PARD3: variants seen among roughly 807,000 people sequenced by gnomAD.
The protein encoded by PARD3 is par-3 family cell polarity regulator, also known as partitioning defective 3 homolog.
In PARD3, 75 loss-of-function variants were observed where a neutral mutation model predicts 155.4. That is an observed-to-expected ratio of 0.48 (90% CI 0.40 to 0.58). PARD3 has a LOEUF of 0.58. Among genes scored for constraint, PARD3 ranks in the 20% least tolerant of loss-of-function variants. The pLI, the probability that PARD3 is intolerant of heterozygous loss-of-function variation, is 0.00. For missense variants in PARD3, 1,642 were observed against 1,721.7 expected (o/e 0.95, Z 0.82); for synonymous variants, 576 against 610.5 (o/e 0.94, Z 0.83).
At chr10:34,115,317 CAGGA>C (rs1476834030) in intron 24 of PARD3, among the ~76,000 whole-genome samples, 1 of 151,960 alleles carries the variant, frequency 6.6e-6, no homozygotes, top group African/African-American at 2.4e-5. Context: ...AATGGAGAGG[CAGGA>C]AAAGAAAATG....
rs567525583 is a variant in PARD3, at chr10:34,687,802, C to T, written c.222+8516G>A. On this transcript the variant is annotated intron_variant, in intron 2 of 24. Coordinates refer to ENST00000374788, the MANE Select transcript of PARD3 (RefSeq NM_001184785.2). ...TCATCCACACAAAAGTGTACTTCCCCGCCACCTACTGACTCCACATGCCCG... is the reference window on the plus strand; with the variant it reads ...TCATCCACACAAAAGTGTACTTCCCTGCCACCTACTGACTCCACATGCCCG... 2.1e-4 allele frequency among the ~76,000 whole-genome samples: 31 copies of T among 150,726 alleles called. 1 individual carries two copies. The highest frequency in any genetic ancestry group is 6.3e-4 in the African/African-American group (26 of 41,262).
At chr10:34,766,485 A>G (rs1838108686) in intron 1 of PARD3, among the ~76,000 whole-genome samples, 1 of 152,196 alleles carries the variant, frequency 6.6e-6, no homozygotes, top group Non-Finnish European at 1.5e-5. Context: ...ATTTGCTACT[A>G]GCCCCAAAGC....
At chr10:34,477,136 G>A (rs1339841707) in intron 3 of PARD3, among the ~76,000 whole-genome samples, 2 of 152,174 alleles carry the variant, frequency 1.3e-5, no homozygotes, top group Non-Finnish European at 2.9e-5. Flanking sequence ...ATAATCTGAT[G>A]TAATTTGTGT....
chr10:34,716,580 CTTTTCT>C (rs1564539868), intron 1 of PARD3, among the ~76,000 whole-genome samples: 8 of 109,482 alleles, frequency 7.3e-5, no homozygotes, highest in Admixed American at 2.1e-4. Flanking sequence ...CCCAGGATGG[CTTTTCT>C]TTTTTTTTTT....
At position 34,782,514 on chromosome 10, in the gene PARD3, T is replaced by C. The variant is rs538402283; in HGVS notation, c.120+32362A>G. On this transcript the variant is annotated intron_variant, in intron 1 of 24. Transcript: ENST00000374788. ...CATTCTTTTTAAATAACTTTAATCC[T>C]CACAACGACATCAAAACATTTTAAG... Among the ~76,000 whole-genome samples the C allele has an allele frequency of 2.6e-5, 4 of 152,330 alleles. No homozygotes were observed. In the South Asian group the frequency reaches 8.3e-4, roughly 32 times the overall value.
At chr10:34,419,162 A>T (rs1042614209) in intron 5 of PARD3, among the ~76,000 whole-genome samples, 1 of 152,204 alleles carries the variant, frequency 6.6e-6, no homozygotes, top group African/African-American at 2.4e-5. Context: ...AAAATTTGTC[A>T]TCAAGTAAAT....
chr10:34,166,779 T>G (rs1417541118), intron 22 of PARD3, among the ~76,000 whole-genome samples: 1 of 152,128 alleles, frequency 6.6e-6, no homozygotes, highest in Non-Finnish European at 1.5e-5. Flanking sequence ...ATAATTCTCC[T>G]TAAATACTTC....
intron 3 of PARD3, chr10:34,488,898 CTCCCT>C (rs778876340): frequency 6.5e-6 from 1 of 152,774 alleles, no homozygotes; most frequent in Non-Finnish European, 1.5e-5. Flanking sequence ...GTGGCCACCT[CTCCCT>C]TCAGCACACA....
At position 34,367,678 on chromosome 10, in the gene PARD3, G is replaced by T. The variant is rs187120561; in HGVS notation, c.1707+4820C>A. 2.9e-4 allele frequency among the ~76,000 whole-genome samples: 44 copies of T among 152,234 alleles called. No individual in the cohort carries two copies. The East Asian group carries it at 8.5e-3, about 29-fold the overall frequency. On this transcript the variant is annotated intron_variant, in intron 12 of 24. Coordinates refer to ENST00000374788, the MANE Select transcript of PARD3 (RefSeq NM_001184785.2). ...AGATCGAGCCACTGCACTCCAGCCTGGGCAACAGAGTGAGACTTGGTCACA... is the reference window on the plus strand; with the variant it reads ...AGATCGAGCCACTGCACTCCAGCCTTGGCAACAGAGTGAGACTTGGTCACA...
At chr10:34,207,895 G>C (rs1205788032) in intron 22 of PARD3, among the ~76,000 whole-genome samples, 1 of 152,212 alleles carries the variant, frequency 6.6e-6, no homozygotes, top group South Asian at 2.1e-4. Context: ...CCGGTCCTTT[G>C]TCAGAAAATA....
intron 24 of PARD3, among the ~76,000 whole-genome samples, chr10:34,113,799 C>T (rs767284327): frequency 7.9e-5 from 12 of 152,152 alleles, no homozygotes; most frequent in Non-Finnish European, 1.0e-4. Flanking sequence ...CTCAAGTTAC[C>T]TTACCTATGA....
chr10:34,489,767 T>G (rs1049336245), intron 3 of PARD3, among the ~76,000 whole-genome samples: 46 of 152,220 alleles, frequency 3.0e-4, no homozygotes, highest in African/African-American at 1.1e-3. Flanking sequence ...ATCACTAACA[T>G]TTGTTGAGCA....
chr10:34,185,811 C>CTATATTAAAT (rs1950462239), intron 22 of PARD3, among the ~76,000 whole-genome samples: 1 of 143,706 alleles, frequency 7.0e-6, no homozygotes, highest in Middle Eastern at 3.3e-3. Flanking sequence ...GTAACATCTT[C>CTATATTAAAT]TATATTATAT....
At chr10:34,346,554 A>G (rs921268426) in intron 15 of PARD3, 1 of 1,225,568 alleles carries the variant, frequency 8.2e-7, no homozygotes, top group African/African-American at 1.6e-5. Flanking sequence ...CATCAACAAA[A>G]AAATAATTTA....
At chr10:34,426,527 T>C (rs138890677) in intron 5 of PARD3, among the ~76,000 whole-genome samples, 2 of 152,310 alleles carry the variant, frequency 1.3e-5, no homozygotes, top group Non-Finnish European at 2.9e-5. Flanking sequence ...AATTAAAAAG[T>C]AAGATAGGCA....
rs991847252 is a variant in PARD3, at chr10:34,553,372, G to A, written c.223-36213C>T. 2.0e-5 allele frequency among the ~76,000 whole-genome samples: 3 copies of A among 152,318 alleles called. No homozygotes were observed. The South Asian group carries it at 6.2e-4, about 32-fold the overall frequency. Reference sequence around the variant, plus strand: ...CCTGGGTACTGTGATTGCCAGCAATGTTTTAGATTCAGAGAAGTTAAGGCC... The same window carrying A: ...CCTGGGTACTGTGATTGCCAGCAATATTTTAGATTCAGAGAAGTTAAGGCC... On this transcript the variant is annotated intron_variant, in intron 2 of 24. Coordinates refer to ENST00000374788, the MANE Select transcript of PARD3 (RefSeq NM_001184785.2).
At chr10:34,487,798 C>T (rs1263736913) in intron 3 of PARD3, among the ~76,000 whole-genome samples, 3 of 152,014 alleles carry the variant, frequency 2.0e-5, no homozygotes, top group African/African-American at 7.2e-5. Flanking sequence ...TTTCATTTTA[C>T]CAATTTAGTT....
At chr10:34,536,353 A>T (rs557266033) in intron 2 of PARD3, among the ~76,000 whole-genome samples, 54 of 152,364 alleles carry the variant, frequency 3.5e-4, no homozygotes, top group African/African-American at 1.3e-3. Context: ...GAGAAAAACT[A>T]AGTCTCCATT....
At chr10:34,124,662 G>A (rs190156748) in intron 23 of PARD3, among the ~76,000 whole-genome samples, 9 of 152,310 alleles carry the variant, frequency 5.9e-5, no homozygotes, top group Non-Finnish European at 1.0e-4. Context: ...TCCTAAGGAT[G>A]TGAGTAATGG....
Sources: allele counts gnomAD v4.1 joint callset (sites outside exome capture counted in the v4.1 genomes callset), GRCh38; gene constraint gnomAD v4.1.1; transcripts MANE v1.5; gene names NCBI Gene and HGNC (gene_info 2026-07-23, HGNC 2026-07-21).